The following ROBO2 variants were observed in gnomAD, a reference collection of about 807,000 sequenced individuals.
ROBO2 encodes roundabout guidance receptor 2, also known as roundabout homolog 2.
ROBO2 carries 53 observed loss-of-function variants against 160.8 expected under a neutral mutation model. The observed-to-expected ratio is 0.33, with a 90% CI of 0.26 to 0.41. The LOEUF (loss-of-function observed/expected upper bound fraction) is 0.41. Ranked by LOEUF, ROBO2 falls within the 10% of genes least tolerant of loss-of-function variation. The pLI is 1.00. For missense variants in ROBO2, 1,577 were observed against 1,722.4 expected (o/e 0.92, Z 1.49); for synonymous variants, 664 against 611.7 (o/e 1.09, Z -1.26).
chr3:77,293,631 C>A lies in ROBO2; in HGVS notation c.389-183783C>A, dbSNP rs1247221838. ...ACACAAAGTAAAATTGACGGTTAAA[C>A]GGGTAAGCTGAGGCTAGATCACCCA... On this transcript the variant is annotated intron_variant, in intron 2 of 25. Coordinates refer to ENST00000461745, the Ensembl canonical transcript of ROBO2. Among the ~76,000 whole-genome samples the A allele has an allele frequency of 4.2e-5, 6 of 141,690 alleles. No individual in the cohort carries two copies. The East Asian group carries it at 1.2e-3, about 28-fold the overall frequency. 93.0% of individuals were successfully genotyped at this position (141,690 alleles called of 152,430 possible). A position where few individuals can be genotyped will look rare whatever the true frequency, so the allele number is the denominator to read the frequency against.
chr3:77,343,073 A>AGC (rs2153452403), intron 2 of ROBO2, among the ~76,000 whole-genome samples: 1 of 116,528 alleles, frequency 8.6e-6, no homozygotes, highest in East Asian at 3.0e-4. Context: ...AGAGAGAGAG[A>AGC]GAGAGAGAGA....
intron 1 of ROBO2, among the ~76,000 whole-genome samples, chr3:75,936,223 G>C (rs1238124730): frequency 7.9e-5 from 12 of 152,158 alleles, no homozygotes; most frequent in Admixed American, 7.9e-4. Context: ...CTATGAGTCT[G>C]AAGTTAAGTA....
chr3:76,059,055 G>A (rs1054183898), intron 2 of ROBO2, among the ~76,000 whole-genome samples: 16 of 151,078 alleles, frequency 1.1e-4, no homozygotes, highest in Non-Finnish European at 1.5e-4. Context: ...ATCATTGTTG[G>A]ACATTTGGGT....
intron 11 of ROBO2, 106 bp from the exon 13 acceptor site, chr3:77,564,836 TTGTGTGTGTGTG>T: frequency 1.3e-6 from 1 of 785,946 alleles, no homozygotes; most frequent in South Asian, 1.5e-5. Flanking sequence ...ACTTCAAGTG[TTGTGTGTGTGTG>T]TGTGTGTGTT....
intron 2 of ROBO2, among the ~76,000 whole-genome samples, chr3:75,960,190 G>A (rs1049532239): frequency 7.2e-5 from 11 of 151,770 alleles, no homozygotes; most frequent in Non-Finnish European, 7.4e-5. Flanking sequence ...TCGCCCTTTA[G>A]TGAGTCAGCT....
intron 2 of ROBO2, among the ~76,000 whole-genome samples, chr3:76,102,872 T>A (rs2069756346): frequency 6.6e-6 from 1 of 151,770 alleles, no homozygotes; most frequent in South Asian, 2.1e-4. Context: ...TCGCCCAGGC[T>A]GGTGTGCAGT....
Position 76,767,128 on chromosome 3 carries a change from C to A in ROBO2, c.110-330886C>A, listed in dbSNP as rs549533588. On this transcript the variant is annotated intron_variant, in intron 2 of 26. Coordinates refer to the ROBO2 transcript ENST00000487694. ...CTAAAATAGTTGTATCACTAGATTT[C>A]TTTCAGCTAGCTTGTCTCCTTTGTA... is the stretch of plus-strand genomic sequence containing the variant. Among the ~76,000 whole-genome samples the A allele has an allele frequency of 6.6e-5, 10 of 151,648 alleles. No individual in the cohort carries two copies. The East Asian group carries it at 1.8e-3, about 27-fold the overall frequency.
At chr3:76,962,640 GA>G (rs901720612) in intron 2 of ROBO2, among the ~76,000 whole-genome samples, 3 of 129,092 alleles carry the variant, frequency 2.3e-5, no homozygotes, top group Admixed American at 8.1e-5. Flanking sequence ...CTCGATCTCA[GA>G]AAAAAAAAAA....
chr3:76,474,949 A>G (rs1429710423), intron 2 of ROBO2, among the ~76,000 whole-genome samples: 1 of 152,122 alleles, frequency 6.6e-6, no homozygotes, highest in African/African-American at 2.4e-5. Context: ...CAGAAACGCA[A>G]GATAACAAGC....
At chr3:77,232,167 G>T (rs1466562960) in intron 2 of ROBO2, among the ~76,000 whole-genome samples, 1 of 152,118 alleles carries the variant, frequency 6.6e-6, no homozygotes. Context: ...TTATAAAGTT[G>T]CATTCTGGTG....
At chr3:76,758,620 C>T (rs1206883354) in intron 2 of ROBO2, among the ~76,000 whole-genome samples, 1 of 151,702 alleles carries the variant, frequency 6.6e-6, no homozygotes, top group East Asian at 2.0e-4. Context: ...AACCCATTAC[C>T]TTCTCATCAG....
At chr3:75,948,068 A>G (rs1948387055) in intron 2 of ROBO2, among the ~76,000 whole-genome samples, 1 of 152,118 alleles carries the variant, frequency 6.6e-6, no homozygotes, top group Admixed American at 6.6e-5. Flanking sequence ...CATTGCAAAT[A>G]ATAAAATGAA....
intron 2 of ROBO2, among the ~76,000 whole-genome samples, chr3:76,890,293 G>A (rs1047386745): frequency 2.1e-4 from 32 of 152,272 alleles, no homozygotes; most frequent in African/African-American, 6.7e-4. Context: ...AGGAAATTGA[G>A]GCTAAGAAGA....
In ROBO2 at chr3:76,248,520, T is replaced by A. The variant is rs375403467; in HGVS notation, c.109+310918T>A. On this transcript the variant is annotated intron_variant, in intron 2 of 26. Coordinates refer to the ROBO2 transcript ENST00000487694. ...GTCGGGGGAGGGGGGAGGGATAGCA[T>A]TGGGAGATATACCTAATGCTAGATG... Among the ~76,000 whole-genome samples the A allele has an allele frequency of 1.6e-4, 24 of 150,908 alleles. No individual in the cohort carries two copies. In the East Asian group the frequency reaches 4.8e-3, roughly 30 times the overall value.
At chr3:76,601,136 T>C (rs2087109158) in intron 2 of ROBO2, among the ~76,000 whole-genome samples, 1 of 152,222 alleles carries the variant, frequency 6.6e-6, no homozygotes, top group Admixed American at 6.5e-5. Flanking sequence ...TGGGTTCCCA[T>C]GGTCTTGGGC....
rs76290367 is a variant in ROBO2, at chr3:76,409,830, G to A, written c.109+472228G>A. ...TCAGATAAGAATATGCCTTAAATAA[G>A]CGAAACAAATGGTTATTACTTTTTA... is the stretch of plus-strand genomic sequence containing the variant. On this transcript the variant is annotated intron_variant, in intron 2 of 26. Coordinates refer to the ROBO2 transcript ENST00000487694. 1.8e-4 allele frequency among the ~76,000 whole-genome samples: 27 copies of A among 152,136 alleles called. No individual in the cohort carries two copies. In the East Asian group the frequency reaches 5.0e-3, roughly 28 times the overall value.
At chr3:77,276,799 G>C (rs1036897908) in intron 2 of ROBO2, among the ~76,000 whole-genome samples, 2 of 152,080 alleles carry the variant, frequency 1.3e-5, no homozygotes, top group African/African-American at 4.8e-5. Context: ...ACATGGCTGG[G>C]GAGACCTCAC....
At chr3:77,057,429 G>T (rs960224591) in intron 1 of ROBO2, among the ~76,000 whole-genome samples, 1 of 151,840 alleles carries the variant, frequency 6.6e-6, no homozygotes, top group Non-Finnish European at 1.5e-5. Flanking sequence ...CCTGCATGTT[G>T]TGCACATGTA....
intron 2 of ROBO2, among the ~76,000 whole-genome samples, chr3:77,165,800 T>C (rs7433790): frequency 0.41 from 61,883 of 151,972 alleles, 13,128 homozygotes; most frequent in Middle Eastern, 0.54. Flanking sequence ...TCTCATGCCG[T>C]ATCTCAATCT....
Sources: allele counts gnomAD v4.1 joint callset (sites outside exome capture counted in the v4.1 genomes callset), GRCh38; gene constraint gnomAD v4.1.1; transcripts MANE v1.5; gene names NCBI Gene and HGNC (gene_info 2026-07-23, HGNC 2026-07-21).